TENT4B: variants seen among roughly 807,000 people sequenced by gnomAD.
The protein encoded by TENT4B is PAP associated domain containing 5.
In TENT4B, 10 loss-of-function variants were observed where a neutral mutation model predicts 75.0. The ratio of observed to expected loss-of-function variants is 0.13; its 90% CI spans 0.08 to 0.23. TENT4B has a LOEUF of 0.23. TENT4B is among the 10% of genes least tolerant of loss of function. The pLI is 1.00. For synonymous variants in TENT4B, 350 were observed against 357.7 expected (o/e 0.98, Z 0.24); for missense variants, 579 against 893.8 (o/e 0.65, Z 4.49).
chr16:50,161,075 G>C (rs771792793), intron 1 of TENT4B, among the ~76,000 whole-genome samples: 1 of 152,194 alleles, frequency 6.6e-6, no homozygotes, highest in Non-Finnish European at 1.5e-5. Context: ...CCAGTAGAAT[G>C]TTCTTTCCAC....
rs1324648140 is a variant in TENT4B, at chr16:50,153,486, C to A, written c.-136C>A. On this transcript the variant is annotated 5_prime_UTR_variant, in exon 1 of 12. Transcript: ENST00000561678. ...GCGACCGCGCCGCCCGCGGCGGGCCCCGAGCAGCAGCAGCAGCAGCAGCGG... is the reference window on the plus strand; with the variant it reads ...GCGACCGCGCCGCCCGCGGCGGGCCACGAGCAGCAGCAGCAGCAGCAGCGG... 1 of 942,368 alleles carries A rather than the reference C, an allele frequency of 1.1e-6. No homozygotes were observed. The highest frequency in any genetic ancestry group is 1.8e-5 in the African/African-American group (1 of 54,154). 58.4% of individuals were successfully genotyped at this position (942,368 alleles called of 1,614,324 possible). A position where few individuals can be genotyped will look rare whatever the true frequency, so the allele number is the denominator to read the frequency against.
chr16:50,231,116 G>GA lies in TENT4B; in HGVS notation c.*1793dup, dbSNP rs1296541574. ...TATGTTCATATTTTAATTCACAATG[G>GA]AAAAATGTGTTCCAAAACTGGAAAC... On this transcript the variant is annotated 3_prime_UTR_variant, in exon 12 of 12. Transcript: ENST00000561678. The GA allele has an allele frequency of 3.5e-5, 34 of 985,162 alleles. No individual in the cohort carries two copies. The highest frequency in any genetic ancestry group is 4.0e-5 in the Non-Finnish European group (33 of 829,512). 61.0% of individuals were successfully genotyped at this position (985,162 alleles called of 1,614,324 possible).
rs1483194658 is a variant in TENT4B at position 50,233,586 on chromosome 16, A to G, written c.*4258A>G. 3.0e-6 allele frequency: 3 copies of G among 984,094 alleles called. No homozygotes were observed. 61.0% of individuals were successfully genotyped at this position (984,094 alleles called of 1,614,324 possible). A position where few individuals can be genotyped will look rare whatever the true frequency, so the allele number is the denominator to read the frequency against. ...ATTATTAACCAGAAAAATTGCTTATAAAGGCTGCTGATCTATTTGATACCT... is the reference window on the plus strand; with the variant it reads ...ATTATTAACCAGAAAAATTGCTTATGAAGGCTGCTGATCTATTTGATACCT... On this transcript the variant is annotated 3_prime_UTR_variant, in exon 12 of 12. Coordinates refer to ENST00000561678, the MANE Select transcript of TENT4B (RefSeq NM_001365324.3).
At chr16:50,169,036 TAAAAG>T (rs769819719) in intron 1 of TENT4B, among the ~76,000 whole-genome samples, 1 of 152,214 alleles carries the variant, frequency 6.6e-6, no homozygotes, top group African/African-American at 2.4e-5. Flanking sequence ...TATTAATACC[TAAAAG>T]AAGTGAGCAA....
chr16:50,188,382 C>T (rs1397746537), intron 1 of TENT4B, among the ~76,000 whole-genome samples: 1 of 152,164 alleles, frequency 6.6e-6, no homozygotes, highest in Non-Finnish European at 1.5e-5. Flanking sequence ...GGTCTTACTC[C>T]GTTCTTGATT....
upstream of TENT4B, chr16:50,153,007 C>T (rs1354112822): frequency 6.6e-7 from 1 of 1,516,970 alleles, no homozygotes; most frequent in East Asian, 2.6e-5. Flanking sequence ...AAGCCGCGCG[C>T]GCCTCAGAAG....
intron 1 of TENT4B, among the ~76,000 whole-genome samples, chr16:50,182,977 C>T (rs566184765): frequency 3.6e-5 from 5 of 138,556 alleles, no homozygotes; most frequent in East Asian, 4.4e-4. Context: ...CCTCAGCCTC[C>T]GGAGTAGCTG....
rs1213795512 is a variant in TENT4B, at chr16:50,153,494, C to T, written c.-128C>T. On this transcript the variant is annotated 5_prime_UTR_variant, in exon 1 of 12. Coordinates refer to ENST00000561678, the MANE Select transcript of TENT4B (RefSeq NM_001365324.3). The stretch of plus-strand genomic sequence containing the variant: ...GCCGCCCGCGGCGGGCCCCGAGCAG[C>T]AGCAGCAGCAGCAGCGGCAGCAGCG... The T allele has an allele frequency of 1.0e-6, 1 of 974,712 alleles. No individual in the cohort carries two copies. Among genetic ancestry groups the T allele is most frequent in the Non-Finnish European group, 1.2e-6 (1 of 824,822 alleles). The allele number at this position is 974,712 out of a possible 1,614,324, so 60.4% of individuals were successfully genotyped here.
At chr16:50,227,505 A>G (rs750203014) in intron 10 of TENT4B, among the ~76,000 whole-genome samples, 8 of 152,236 alleles carry the variant, frequency 5.3e-5, no homozygotes, top group Non-Finnish European at 7.3e-5. Context: ...GTCTGGCTGA[A>G]GCCAGGGACT....
chr16:50,212,534 T>C (rs1027831266), intron 2 of TENT4B, among the ~76,000 whole-genome samples: 14 of 152,168 alleles, frequency 9.2e-5, no homozygotes, highest in African/African-American at 3.1e-4. Context: ...AAGGTTTTTT[T>C]CCAATTGGCA....
intron 1 of TENT4B, among the ~76,000 whole-genome samples, chr16:50,174,554 C>G (rs1028390165): frequency 6.6e-6 from 1 of 152,110 alleles, no homozygotes; most frequent in Non-Finnish European, 1.5e-5. Context: ...AGTATTACCT[C>G]AAACATTTGT....
intron 5 of TENT4B, among the ~76,000 whole-genome samples, chr16:50,220,115 A>G (rs1052906201): frequency 6.6e-6 from 1 of 151,558 alleles, no homozygotes; most frequent in Non-Finnish European, 1.5e-5. Flanking sequence ...TAGCCTCCTG[A>G]GTAGCTGGGA....
At chr16:50,160,270 A>G (rs1330311081) in intron 1 of TENT4B, among the ~76,000 whole-genome samples, 2 of 152,166 alleles carry the variant, frequency 1.3e-5, no homozygotes, top group African/African-American at 4.8e-5. Context: ...TGTCACCATT[A>G]ATCATTGGCA....
chr16:50,208,368 A>T (rs2031100003), intron 1 of TENT4B, among the ~76,000 whole-genome samples: 1 of 152,242 alleles, frequency 6.6e-6, no homozygotes, highest in Non-Finnish European at 1.5e-5. Flanking sequence ...TGCAGCACTG[A>T]AAGTGAATTT....
At position 50,233,612 on chromosome 16, in the gene TENT4B, A is replaced by G. The variant is rs2150757916; in HGVS notation, c.*4284A>G. The G allele has an allele frequency of 1.0e-6, 1 of 981,898 alleles. No homozygotes were observed. Among genetic ancestry groups the G allele is most frequent in the African/African-American group, 1.7e-5 (1 of 57,290 alleles). 60.8% of individuals were successfully genotyped at this position (981,898 alleles called of 1,614,324 possible). A position where few individuals can be genotyped will look rare whatever the true frequency, so the allele number is the denominator to read the frequency against. ...AAGGCTGCTGATCTATTTGATACCT[A>G]GAATTAAATATTTGAGGACAGTTTT... On this transcript the variant is annotated 3_prime_UTR_variant, in exon 12 of 12. Coordinates refer to ENST00000561678, the MANE Select transcript of TENT4B (RefSeq NM_001365324.3).
At position 50,234,597 on chromosome 16, in the gene TENT4B, CCTCT is replaced by C. The variant is rs373362327; in HGVS notation, c.*5272_*5275del. 1 of 983,694 alleles carries C rather than the reference CCTCT, an allele frequency of 1.0e-6. No individual in the cohort carries two copies. Among genetic ancestry groups the C allele is most frequent in the Admixed American group, 6.2e-5 (1 of 16,258 alleles). 60.9% of individuals were successfully genotyped at this position (983,694 alleles called of 1,614,324 possible). A position where few individuals can be genotyped will look rare whatever the true frequency, so the allele number is the denominator to read the frequency against. ...GAACTTAATCTCCTAATTTTAAGAT[CCTCT>C]CTGATTTTTGCATATTGAAACTTAC... On this transcript the variant is annotated 3_prime_UTR_variant, in exon 12 of 12. Transcript: ENST00000561678.
rs753122060 is a variant in TENT4B at position 50,223,431 on chromosome 16, C to CT, written c.1381+45dup. The CT allele has an allele frequency of 1.7e-5, 22 of 1,302,504 alleles. No individual in the cohort carries two copies. The East Asian group carries it at 5.2e-4, about 31-fold the overall frequency. The allele number at this position is 1,302,504 out of a possible 1,614,324, so 80.7% of individuals were successfully genotyped here. On this transcript the variant is annotated intron_variant, in intron 7 of 11. Transcript: ENST00000561678. ...TTTGTGGGCATTCAAAGAGAGGGCA[C>CT]TGTCAGTCACCTTATTATACTTTAA...
intron 1 of TENT4B, among the ~76,000 whole-genome samples, chr16:50,162,817 C>T (rs1160898908): frequency 6.6e-6 from 1 of 152,022 alleles, no homozygotes; most frequent in Admixed American, 6.6e-5. Context: ...AAAAGTAAAA[C>T]TGTGGGGTTT....
chr16:50,212,729 C>T (rs2031350701), intron 2 of TENT4B, among the ~76,000 whole-genome samples: 1 of 152,106 alleles, frequency 6.6e-6, no homozygotes, highest in Admixed American at 6.5e-5. Context: ...CTCCAGGGGG[C>T]ATTTGGCAAT....
Sources: gnomAD v4.1 joint callset for allele counts (sites outside exome capture counted in the v4.1 genomes callset) on GRCh38, gnomAD v4.1.1 for gene constraint, MANE v1.5 for transcripts, NCBI Gene and HGNC (gene_info 2026-07-23, HGNC 2026-07-21) for gene names.